CNNM2: variants seen among roughly 807,000 people sequenced by gnomAD.
CNNM2 encodes metal transporter CNNM2.
A neutral mutation model predicts 66.9 loss-of-function variants in CNNM2; 12 were observed. The ratio of observed to expected loss-of-function variants is 0.18; its 90% CI spans 0.11 to 0.29. CNNM2 has a LOEUF of 0.29. CNNM2 is among the 10% of genes least tolerant of loss of function. CNNM2 has a pLI of 1.00. For synonymous variants in CNNM2, 557 were observed against 501.8 expected, an observed-to-expected ratio of 1.11 and a Z score of -1.47; for missense variants, 705 against 1,167.7, an observed-to-expected ratio of 0.60 and a Z score of 5.77.
At chr10:102,969,292 A>G (rs1040366277) in intron 1 of CNNM2, among the ~76,000 whole-genome samples, 1 of 151,554 alleles carries the variant, frequency 6.6e-6, no homozygotes, top group African/African-American at 2.4e-5. Context: ...CAACTCACTG[A>G]AATCTCCGCC....
intron 1 of CNNM2, among the ~76,000 whole-genome samples, chr10:102,934,649 A>T (rs1379871861): frequency 6.6e-6 from 1 of 151,668 alleles, no homozygotes; most frequent in Admixed American, 6.6e-5. Context: ...GGGACTTGGG[A>T]TTGGAGATAA....
intron 2 of CNNM2, 75 bp downstream of exon 2, chr10:103,049,925 T>A: frequency 6.9e-7 from 1 of 1,446,662 alleles, no homozygotes; most frequent in South Asian, 1.2e-5. Context: ...TCTTCTGACG[T>A]TTCTCCAGTT....
At chr10:102,923,004 C>A (rs925310426) in intron 1 of CNNM2, among the ~76,000 whole-genome samples, 5 of 151,350 alleles carry the variant, frequency 3.3e-5, no homozygotes, top group African/African-American at 1.2e-4. Flanking sequence ...TGAAGACTTT[C>A]CTGTATATAG....
intron 1 of CNNM2, among the ~76,000 whole-genome samples, chr10:102,933,558 TTATCTTACA>T (rs1453296819): frequency 2.6e-5 from 4 of 152,220 alleles, no homozygotes; most frequent in African/African-American, 9.6e-5. Flanking sequence ...TTTGTTGAGG[TTATCTTACA>T]TTTACTTCTT....
intron 2 of CNNM2, among the ~76,000 whole-genome samples, chr10:103,051,203 T>G: frequency 6.6e-6 from 1 of 151,366 alleles, no homozygotes; most frequent in Non-Finnish European, 1.5e-5. Flanking sequence ...GAGGCCGAGG[T>G]GGGTAGATCA....
chr10:103,015,625 G>A (rs1416484124), intron 1 of CNNM2, among the ~76,000 whole-genome samples: 1 of 152,070 alleles, frequency 6.6e-6, no homozygotes, highest in African/African-American at 2.4e-5. Flanking sequence ...AGGCCAAGGA[G>A]GGTGGATCAC....
rs7071373 is a variant in CNNM2, at chr10:103,012,165, A to G, written c.1622-37542A>G. On this transcript the variant is annotated intron_variant, in intron 1 of 7. Coordinates refer to ENST00000369878, the MANE Select transcript of CNNM2 (RefSeq NM_017649.5). ...ATTGTTTACACATCATTTTATGCTT[A>G]TGTAAGTTTCCCTGTAGGATAAATT... 0.41 allele frequency among the ~76,000 whole-genome samples: 61,969 copies of G among 152,044 alleles called. 12,859 individuals are homozygous for G. The highest frequency in any genetic ancestry group is 0.56 in the East Asian group (2,888 of 5,168).
intron 1 of CNNM2, among the ~76,000 whole-genome samples, chr10:102,960,126 G>A (rs2063357071): frequency 6.6e-6 from 1 of 152,062 alleles, no homozygotes; most frequent in Admixed American, 6.6e-5. Context: ...GGTCATGAAA[G>A]GGCGAAATGA....
intron 1 of CNNM2, among the ~76,000 whole-genome samples, chr10:103,026,096 G>A (rs1162477019): frequency 6.6e-6 from 1 of 152,186 alleles, no homozygotes; most frequent in Non-Finnish European, 1.5e-5. Flanking sequence ...ACAGCATGAA[G>A]GCCCTTGCCA....
In CNNM2 at chr10:102,966,182, TCTGGAATAAATAAA is replaced by T. The variant is rs202113232; in HGVS notation, c.1621+46098_1621+46111del. Among the ~76,000 whole-genome samples the T allele has an allele frequency of 0.014, 2,071 of 152,270 alleles. 21 individuals are homozygous for T. Among genetic ancestry groups the T allele is most frequent in the South Asian group, 0.05 (242 of 4,828 alleles). Reference sequence around the variant, plus strand: ...TACTTGTATGATTAAACTGGAAAAATCTGGAATAAATAAACTGGAATAAATAAACTAGAACTGTT... The same window carrying T: ...TACTTGTATGATTAAACTGGAAAAATCTGGAATAAATAAACTAGAACTGTT... On this transcript the variant is annotated intron_variant, in intron 1 of 7. Transcript: ENST00000369878.
At chr10:102,992,725 G>C (rs997294142) in intron 1 of CNNM2, among the ~76,000 whole-genome samples, 1 of 152,078 alleles carries the variant, frequency 6.6e-6, no homozygotes, top group African/African-American at 2.4e-5. Context: ...AGCCTGCCTC[G>C]GTACCACAGT....
intron 1 of CNNM2, among the ~76,000 whole-genome samples, chr10:103,003,952 ATTCTC>A (rs1554897589): frequency 1.3e-3 from 179 of 140,100 alleles, no homozygotes; most frequent in Middle Eastern, 3.9e-3. Context: ...TAGACTGTGC[ATTCTC>A]ATTGCTGAGT....
chr10:103,049,568 C>T, intron 1 of CNNM2, 139 bp from the exon 2 acceptor site: 1 of 806,868 alleles, frequency 1.2e-6, no homozygotes, highest in Non-Finnish European at 2.0e-6. Flanking sequence ...TGTGATGTCT[C>T]AGTACCATTT....
intron 1 of CNNM2, among the ~76,000 whole-genome samples, chr10:102,975,469 GAAAAAA>G: frequency 8.4e-6 from 1 of 119,280 alleles, no homozygotes; most frequent in Admixed American, 9.1e-5. Flanking sequence ...GATGGAATTA[GAAAAAA>G]AAAAAAAAAA....
At chr10:102,974,536 A>T (rs1450093631) in intron 1 of CNNM2, among the ~76,000 whole-genome samples, 1 of 152,156 alleles carries the variant, frequency 6.6e-6, no homozygotes, top group Non-Finnish European at 1.5e-5. Flanking sequence ...TATTGAAAGA[A>T]AAAAAGAATA....
chr10:102,929,657 C>A (rs1272572914), intron 1 of CNNM2, among the ~76,000 whole-genome samples: 1 of 152,052 alleles, frequency 6.6e-6, no homozygotes, highest in African/African-American at 2.4e-5. Flanking sequence ...TCTCTTTAAT[C>A]ATAAACAACT....
At chr10:102,978,568 T>A (rs376417280) in intron 1 of CNNM2, among the ~76,000 whole-genome samples, 19 of 152,212 alleles carry the variant, frequency 1.2e-4, no homozygotes, top group Middle Eastern at 3.2e-3. Flanking sequence ...GCTGGTCTCC[T>A]TGCTGTTTTA....
intron 1 of CNNM2, among the ~76,000 whole-genome samples, chr10:102,974,636 A>G (rs2063596520): frequency 6.6e-6 from 1 of 151,846 alleles, no homozygotes; most frequent in Admixed American, 6.6e-5. Flanking sequence ...CAGTGGTATG[A>G]TCACAGCTCA....
intron 1 of CNNM2, among the ~76,000 whole-genome samples, chr10:102,966,243 A>G (rs1291329637): frequency 6.6e-6 from 1 of 152,224 alleles, no homozygotes; most frequent in African/African-American, 2.4e-5. Flanking sequence ...GAAGGGATTT[A>G]GATAATGGTT....
Sources: gnomAD v4.1 joint callset for allele counts (sites outside exome capture counted in the v4.1 genomes callset) on GRCh38, gnomAD v4.1.1 for gene constraint, MANE v1.5 for transcripts, NCBI Gene and HGNC (gene_info 2026-07-23, HGNC 2026-07-21) for gene names.